Variants in CHODL observed in about 807,000 individuals in gnomAD.
CHODL encodes the protein transmembrane protein MT75.
Under a neutral mutation model 34.5 loss-of-function variants are expected in CHODL, and 29 were observed. The observed-to-expected ratio is 0.84, with a 90% CI of 0.63 to 1.15. The LOEUF is 1.15. Among genes scored for constraint, CHODL ranks in the 50% most tolerant of loss-of-function variants. The pLI is 0.00. For synonymous variants in CHODL, 125 were observed against 116.1 expected (o/e 1.08, Z -0.49); for missense variants, 332 against 332.5 (o/e 1.00, Z 0.01).
intron 2 of CHODL, among the ~76,000 whole-genome samples, chr21:18,223,810 A>G (rs1229377096): frequency 6.6e-6 from 1 of 152,282 alleles, no homozygotes; most frequent in East Asian, 1.9e-4. Flanking sequence ...TACTCGAACC[A>G]ACGTTGACTA....
chr21:17,999,264 T>C (rs1227841859), intron 1 of CHODL, among the ~76,000 whole-genome samples: 1 of 152,206 alleles, frequency 6.6e-6, no homozygotes, highest in African/African-American at 2.4e-5. Context: ...CTGGACCTTA[T>C]TGTTCATATC....
chr21:18,024,529 T>C (rs1474923545), intron 1 of CHODL, among the ~76,000 whole-genome samples: 1 of 152,140 alleles, frequency 6.6e-6, no homozygotes, highest in Non-Finnish European at 1.5e-5. Flanking sequence ...TGGGAGCATT[T>C]TGCTTCTTTG....
intron 1 of CHODL, among the ~76,000 whole-genome samples, chr21:18,248,530 C>G (rs1000880430): frequency 1.4e-5 from 2 of 145,290 alleles, no homozygotes; most frequent in Admixed American, 7.0e-5. Context: ...TTTTATAACT[C>G]TTTCCCAAAG....
intron 1 of CHODL, among the ~76,000 whole-genome samples, chr21:17,975,985 C>G (rs2063658640): frequency 6.6e-6 from 1 of 152,024 alleles, no homozygotes; most frequent in Non-Finnish European, 1.5e-5. Flanking sequence ...GTTATAGTTT[C>G]ACAAAGACTA....
chr21:17,995,305 G>C (rs900272952), intron 1 of CHODL, among the ~76,000 whole-genome samples: 3 of 152,200 alleles, frequency 2.0e-5, no homozygotes, highest in African/African-American at 7.2e-5. Context: ...GGATATGTGA[G>C]GGCCATGGGG....
chr21:17,955,013 A>G lies in CHODL; in HGVS notation c.-145+37613A>G, dbSNP rs1032235096. ...CTACCATCAACTGGATAGCTTATAG[A>G]CAAGAGGAATTTATTTCTCACAGTT... On this transcript the variant is annotated intron_variant, in intron 1 of 6. Coordinates refer to the CHODL transcript ENST00000400127. Among the ~76,000 whole-genome samples the G allele has an allele frequency of 7.5e-5, 10 of 134,144 alleles. 2 individuals are homozygous for G. The allele number at this position is 134,144 out of a possible 152,430, so 88.0% of individuals were successfully genotyped here. A position where few individuals can be genotyped will look rare whatever the true frequency, so the allele number is the denominator to read the frequency against.
At chr21:18,073,825 A>G (rs747388057) in intron 2 of CHODL, among the ~76,000 whole-genome samples, 6 of 152,220 alleles carry the variant, frequency 3.9e-5, no homozygotes, top group Non-Finnish European at 8.8e-5. Context: ...ACAATCATTT[A>G]TGTAACTTAT....
At chr21:18,098,507 G>A (rs1351192739) in intron 2 of CHODL, among the ~76,000 whole-genome samples, 1 of 152,064 alleles carries the variant, frequency 6.6e-6, no homozygotes, top group Non-Finnish European at 1.5e-5. Context: ...TCAGAGAAAT[G>A]TAAATCAAAA....
At chr21:18,104,177 G>C (rs1283258195) in intron 2 of CHODL, among the ~76,000 whole-genome samples, 1 of 152,170 alleles carries the variant, frequency 6.6e-6, no homozygotes, top group East Asian at 1.9e-4. Flanking sequence ...AGTGAAGTGG[G>C]TTTATGCATG....
intron 1 of CHODL, among the ~76,000 whole-genome samples, chr21:17,987,864 C>T (rs2063766053): frequency 6.6e-6 from 1 of 152,098 alleles, no homozygotes. Flanking sequence ...ATGTGAATAA[C>T]AAGCATCCCA....
At chr21:18,039,439 A>G (rs988072637) in intron 2 of CHODL, among the ~76,000 whole-genome samples, 3 of 151,744 alleles carry the variant, frequency 2.0e-5, no homozygotes, top group Non-Finnish European at 3.0e-5. Context: ...CATCATGGAT[A>G]AAAACCTTAG....
intron 2 of CHODL, among the ~76,000 whole-genome samples, chr21:18,192,173 G>C (rs2073518731): frequency 6.6e-6 from 1 of 152,074 alleles, no homozygotes; most frequent in South Asian, 2.1e-4. Flanking sequence ...CTCCCACTCA[G>C]CCTTGGAACT....
chr21:18,004,842 AAAAC>A (rs1192249012), intron 1 of CHODL, among the ~76,000 whole-genome samples: 4 of 152,158 alleles, frequency 2.6e-5, no homozygotes, highest in African/African-American at 9.7e-5. Context: ...CAAAAAAAAA[AAAAC>A]AACAACAGTT....
At chr21:18,099,397 T>A (rs1216137519) in intron 2 of CHODL, among the ~76,000 whole-genome samples, 5 of 151,380 alleles carry the variant, frequency 3.3e-5, no homozygotes, top group South Asian at 2.1e-4. Context: ...AGTAAAAAAA[T>A]TTAAAAATAA....
intron 2 of CHODL, among the ~76,000 whole-genome samples, chr21:18,238,220 T>C (rs2074047415): frequency 6.6e-6 from 1 of 152,082 alleles, no homozygotes; most frequent in Admixed American, 6.6e-5. Context: ...ATAAGCCATG[T>C]AAACTGATGC....
chr21:17,994,100 C>T lies in CHODL; in HGVS notation c.-144-33772C>T, dbSNP rs1313485454. Among the ~76,000 whole-genome samples, 8 of 152,044 alleles carry T rather than the reference C, an allele frequency of 5.3e-5. No homozygotes were observed. In the East Asian group the frequency reaches 1.5e-3, roughly 29 times the overall value. The stretch of plus-strand genomic sequence containing the variant: ...ATCCTTTATATTGTGTTTTAGGTCT[C>T]TATTGAGTTCTGCTCTGATCTTTAC... On this transcript the variant is annotated intron_variant, in intron 1 of 6. Coordinates refer to the CHODL transcript ENST00000400127.
In CHODL at chr21:18,080,647, G is replaced by C. The variant is rs116117649; in HGVS notation, c.-45+52676G>C. Reference sequence around the variant, plus strand: ...TCAAAGATCAGTTGGTTGTAGGTATGTGGCTCTATTTCTGGGTTCTCCATT... The same window carrying C: ...TCAAAGATCAGTTGGTTGTAGGTATCTGGCTCTATTTCTGGGTTCTCCATT... On this transcript the variant is annotated intron_variant, in intron 2 of 6. Coordinates refer to the CHODL transcript ENST00000400127. 8.1e-3 allele frequency among the ~76,000 whole-genome samples: 1,231 copies of C among 152,222 alleles called. 22 individuals are homozygous for C. The highest frequency in any genetic ancestry group is 0.028 in the African/African-American group (1,171 of 41,526).
At chr21:18,085,095 A>G (rs967073546) in intron 2 of CHODL, among the ~76,000 whole-genome samples, 1 of 152,052 alleles carries the variant, frequency 6.6e-6, no homozygotes, top group Non-Finnish European at 1.5e-5. Context: ...TTATTTAAAT[A>G]TAGGTAGTCC....
chr21:18,186,917 C>A (rs1048076866), intron 2 of CHODL, among the ~76,000 whole-genome samples: 1 of 152,196 alleles, frequency 6.6e-6, no homozygotes, highest in East Asian at 1.9e-4. Context: ...ATTTATCTTG[C>A]ATTTATTATA....
Sources: allele counts gnomAD v4.1 joint callset (sites outside exome capture counted in the v4.1 genomes callset), GRCh38; gene constraint gnomAD v4.1.1; transcripts MANE v1.5; gene names NCBI Gene and HGNC (gene_info 2026-07-23, HGNC 2026-07-21).